The following DCTN4 variants were observed in gnomAD, a reference collection of about 807,000 sequenced individuals.
DCTN4 encodes dynactin 4 (p62).
Under a neutral mutation model 62.7 loss-of-function variants are expected in DCTN4, and 23 were observed. The ratio of observed to expected loss-of-function variants is 0.37; its 90% confidence interval spans 0.26 to 0.52. The LOEUF is 0.52. Ranked by LOEUF, DCTN4 falls within the 20% of genes least tolerant of loss-of-function variation. The pLI, the probability that DCTN4 is intolerant of heterozygous loss-of-function variation, is 0.92. For missense variants in DCTN4, 514 were observed against 580.4 expected (o/e 0.89, Z 1.18); for synonymous variants, 199 against 202.1 (o/e 0.98, Z 0.13).
intron 1 of DCTN4, among the ~76,000 whole-genome samples, chr5:150,756,941 C>T (rs1166741823): frequency 2.6e-5 from 4 of 152,138 alleles, no homozygotes; most frequent in Non-Finnish European, 5.9e-5. Flanking sequence ...TACAGGTTGA[C>T]TGAAGGCAAG....
At chr5:150,715,345 G>A (rs1259972089) in intron 12 of DCTN4, among the ~76,000 whole-genome samples, 1 of 152,132 alleles carries the variant, frequency 6.6e-6, no homozygotes, top group Non-Finnish European at 1.5e-5. Context: ...TATTTGGAAG[G>A]ACAAATGCCA....
intron 4 of DCTN4, among the ~76,000 whole-genome samples, chr5:150,735,577 T>C (rs968060285): frequency 3.3e-5 from 5 of 152,056 alleles, no homozygotes; most frequent in Non-Finnish European, 7.4e-5. Context: ...ATAACAATAA[T>C]TGCAGTCCAG....
At chr5:150,746,875 G>C (rs1752458861) in intron 3 of DCTN4, among the ~76,000 whole-genome samples, 1 of 152,128 alleles carries the variant, frequency 6.6e-6, no homozygotes, top group South Asian at 2.1e-4. Context: ...TTGAAAACTG[G>C]CACAAGACAG....
chr5:150,744,487 G>A, intron 3 of DCTN4, among the ~76,000 whole-genome samples: 1 of 152,138 alleles, frequency 6.6e-6, no homozygotes, highest in Non-Finnish European at 1.5e-5. Context: ...ACACATAATT[G>A]TCAGATTCAC....
intron 9 of DCTN4, 111 bp downstream of exon 9, chr5:150,722,796 T>C: frequency 2.9e-6 from 2 of 699,236 alleles, no homozygotes; most frequent in Non-Finnish European, 4.7e-6. Flanking sequence ...ATTATTTTGA[T>C]GTAATTTTTT....
intron 3 of DCTN4, 92 bp from the exon 4 acceptor site, chr5:150,742,249 T>A: frequency 7.6e-7 from 1 of 1,322,562 alleles, no homozygotes; most frequent in Non-Finnish European, 1.1e-6. Flanking sequence ...AAAAGAAACT[T>A]AAAACATAAG....
intron 4 of DCTN4, among the ~76,000 whole-genome samples, chr5:150,737,157 C>T (rs1191631547): frequency 6.6e-6 from 1 of 152,050 alleles, no homozygotes; most frequent in East Asian, 1.9e-4. Flanking sequence ...CAAAGCAACA[C>T]AAAAATAGTG....
In DCTN4 at chr5:150,733,467, T is replaced by G; in HGVS notation, c.438A>C (p.Lys146Asn). Residue 146 changes from lysine to asparagine, a missense_variant, in exon 5 of 13, where the codon AAA becomes AAC. By Grantham distance (94) the Lys-to-Asn change is moderately conservative. Transcript: ENST00000447998. ...PENPHTQRMN[K>N]LIEYYQQLAQ... ...CAAGCTGCTGGTAATATTCAATCAA[T>G]TTGTTCATCTGTAAGAAAATCACAG... 6.2e-7 allele frequency: 1 copy of G among 1,612,824 alleles called. No homozygotes were observed. Among genetic ancestry groups the G allele is most frequent in the Non-Finnish European group, 8.5e-7 (1 of 1,179,522 alleles).
chr5:150,747,154 CAG>C (rs1039890713), intron 3 of DCTN4, among the ~76,000 whole-genome samples: 18 of 152,126 alleles, frequency 1.2e-4, no homozygotes, highest in Admixed American at 3.3e-4. Flanking sequence ...AACAGACAAA[CAG>C]AGAGCCAAAT....
intron 9 of DCTN4, among the ~76,000 whole-genome samples, chr5:150,721,658 A>T (rs1156940442): frequency 6.6e-6 from 1 of 152,144 alleles, no homozygotes; most frequent in East Asian, 1.9e-4. Context: ...TACCTGTTCA[A>T]ATCCCTTGTT....
Position 150,711,193 on chromosome 5 carries a change from G to C in DCTN4, c.1339C>G (p.Leu447Val), listed in dbSNP as rs1347985661. The C allele has an allele frequency of 6.2e-7, 1 of 1,612,494 alleles. No individual in the cohort carries two copies. The highest frequency in any genetic ancestry group is 8.5e-7 in the Non-Finnish European group (1 of 1,180,032). The change falls in exon 13 of 13, where the codon CTC becomes GTC. Residue 447 changes from leucine (L) to valine (V), a missense_variant. Coordinates refer to ENST00000447998, the MANE Select transcript of DCTN4 (RefSeq NM_016221.4). ...ESDQGTEVIW[L>V]TQHVELSLGP... is the part of the protein sequence containing the mutation. ...AAGCTAAGTTCCACATGCTGGGTGAGCCAGATGACTTCTGTTCCCTGGTCA... is the reference window on the plus strand; with the variant it reads ...AAGCTAAGTTCCACATGCTGGGTGACCCAGATGACTTCTGTTCCCTGGTCA...
chr5:150,745,204 A>G (rs867230369), intron 3 of DCTN4, among the ~76,000 whole-genome samples: 1 of 150,440 alleles, frequency 6.6e-6, no homozygotes, highest in South Asian at 2.1e-4. Context: ...AGGCCATTAC[A>G]TAATGGTAAA....
intron 11 of DCTN4, 32 bp from the exon 12 acceptor site, chr5:150,715,694 A>C (rs1338852003): frequency 6.4e-7 from 1 of 1,572,026 alleles, no homozygotes; most frequent in East Asian, 2.2e-5. Flanking sequence ...CCTGCCTGAG[A>C]AGGGACCAGT....
chr5:150,734,963 C>A (rs1041243893), intron 4 of DCTN4, among the ~76,000 whole-genome samples: 7 of 152,208 alleles, frequency 4.6e-5, no homozygotes, highest in Non-Finnish European at 8.8e-5. Flanking sequence ...ACACAACTGT[C>A]CTTCACAGCA....
Position 150,754,422 on chromosome 5 carries a change from A to G in DCTN4, c.207-765T>C, listed in dbSNP as rs185120154. ...TTAAATGATAAAAATTAATTTGTGG[A>G]AAGTATACAAAACAGTATCTGGTTA... is the stretch of plus-strand genomic sequence containing the variant. On this transcript the variant is annotated intron_variant, in intron 2 of 12. Coordinates refer to ENST00000447998, the MANE Select transcript of DCTN4 (RefSeq NM_016221.4). 3.3e-3 allele frequency among the ~76,000 whole-genome samples: 499 copies of G among 152,354 alleles called. 2 individuals carry two copies. The highest frequency in any genetic ancestry group is 0.011 in the African/African-American group (453 of 41,576).
Position 150,758,998 on chromosome 5 carries a change from G to A in DCTN4, c.-5C>T, listed in dbSNP as rs1752965638. The A allele has an allele frequency of 3.1e-6, 5 of 1,613,516 alleles. No individual in the cohort carries two copies. The highest frequency in any genetic ancestry group is 4.2e-6 in the Non-Finnish European group (5 of 1,179,544). ...CGACTGCAGCAAGGACGCCATCTTG[G>A]GGAGGGAGGAGGCGATGACGCTCCC... On this transcript the variant is annotated 5_prime_UTR_variant, in exon 1 of 13. Transcript: ENST00000447998.
chr5:150,730,585 G>C (rs1202543886), intron 8 of DCTN4, 46 bp downstream of exon 8: 1 of 1,528,396 alleles, frequency 6.5e-7, no homozygotes, highest in African/African-American at 1.4e-5. Flanking sequence ...ATTTATTTTT[G>C]CTTTCCTCTT....
In DCTN4 at chr5:150,731,088, G is replaced by A. The variant is rs754012986; in HGVS notation, c.680C>T (p.Pro227Leu). 6.2e-7 allele frequency: 1 copy of A among 1,612,076 alleles called. No individual in the cohort carries two copies. The change falls in exon 7 of 13, where the codon CCT becomes CTT. Residue 227 changes from proline to leucine, a missense_variant. By Grantham distance (98) the Pro-to-Leu change is moderately conservative. Coordinates refer to ENST00000447998, the MANE Select transcript of DCTN4 (RefSeq NM_016221.4). Reference protein sequence around the residue: ...EPAQAVDEVEPLPEDYYTRPV... With the variant: ...EPAQAVDEVELLPEDYYTRPV... ...TCTTGTATAATAGTCTTCAGGTAGAGGTTCCACTTCATCCACAGCCTGAGC... is the reference window on the plus strand; with the variant it reads ...TCTTGTATAATAGTCTTCAGGTAGAAGTTCCACTTCATCCACAGCCTGAGC...
At chr5:150,715,474 A>G in intron 12 of DCTN4, 91 bp downstream of exon 12, 1 of 971,334 alleles carries the variant, frequency 1.0e-6, no homozygotes, top group South Asian at 1.7e-5. Flanking sequence ...GAAAAAAGTT[A>G]TTTTAAAAAA....
Sources: allele counts gnomAD v4.1 joint callset (sites outside exome capture counted in the v4.1 genomes callset), GRCh38; gene constraint gnomAD v4.1.1; transcripts MANE v1.5; gene names NCBI Gene and HGNC (gene_info 2026-07-23, HGNC 2026-07-21).